Variants in REV3L observed in about 807,000 individuals in gnomAD.
The protein encoded by REV3L is DNA polymerase zeta catalytic subunit.
A neutral mutation model predicts 299.4 loss-of-function variants in REV3L; 69 were observed. The ratio of observed to expected loss-of-function variants is 0.23; its 90% CI spans 0.19 to 0.28. The LOEUF (loss-of-function observed/expected upper bound fraction) is 0.28, where lower values mean the gene tolerates loss of function less well. Among genes scored for constraint, REV3L ranks in the 10% least tolerant of loss-of-function variants. REV3L has a pLI of 1.00. For synonymous variants in REV3L, 1,238 were observed against 1,271.4 expected, an observed-to-expected ratio of 0.97 and a Z score of 0.56; for missense variants, 3,128 against 3,693.8, an observed-to-expected ratio of 0.85 and a Z score of 3.97.
intron 1 of REV3L, among the ~76,000 whole-genome samples, chr6:111,464,993 C>A (rs1344792054): frequency 2.6e-5 from 4 of 151,618 alleles, no homozygotes; most frequent in Non-Finnish European, 5.9e-5. Context: ...CAGAGCAAGA[C>A]TCCATCTCAA....
chr6:111,316,456 G>T (rs1285016455), intron 26 of REV3L, among the ~76,000 whole-genome samples: 3 of 151,812 alleles, frequency 2.0e-5, no homozygotes, highest in Non-Finnish European at 4.4e-5. Context: ...CTGAGGTCAG[G>T]ATTTTGAGAC....
At chr6:111,430,888 T>A (rs1786832143) in intron 1 of REV3L, 2 of 1,604,504 alleles carry the variant, frequency 1.2e-6, no homozygotes, top group African/African-American at 1.3e-5. Flanking sequence ...GACTTCTCCA[T>A]CCTGTGGATC....
intron 9 of REV3L, 120 bp from the exon 10 acceptor site, chr6:111,381,564 T>C (rs1235811322): frequency 2.7e-6 from 2 of 740,680 alleles, no homozygotes; most frequent in Admixed American, 3.0e-5. Context: ...TTCAAAATGT[T>C]AATGATGCAT....
chr6:111,310,796 C>G (rs1365257882), intron 29 of REV3L: 5 of 337,506 alleles, frequency 1.5e-5, no homozygotes, highest in Non-Finnish European at 2.6e-5. Flanking sequence ...ATATTAAGGA[C>G]TACCTAGTGA....
chr6:111,477,084 T>C (rs1433403855), intron 1 of REV3L, among the ~76,000 whole-genome samples: 1 of 152,238 alleles, frequency 6.6e-6, no homozygotes, highest in African/African-American at 2.4e-5. Context: ...TTTCACATAA[T>C]ATGACAGCAC....
chr6:111,412,509 G>A (rs937562514), intron 2 of REV3L, among the ~76,000 whole-genome samples: 6 of 152,058 alleles, frequency 3.9e-5, no homozygotes, highest in African/African-American at 1.4e-4. Context: ...GCTTTGTATT[G>A]GCTGAAAAGT....
At position 111,311,224 on chromosome 6, in the gene REV3L, C is replaced by T. The variant is rs776290825; in HGVS notation, c.8640G>A (p.Thr2880=). 4.4e-5 allele frequency: 71 copies of T among 1,609,592 alleles called. No homozygotes were observed. Among genetic ancestry groups the T allele is most frequent in the Non-Finnish European group, 5.5e-5 (65 of 1,178,086 alleles). ...LERSLKLLFE[T]RDISLIKQYV... is the part of the protein sequence containing the mutation. ...ACTGTTTAATTAGACTTATATCTCT[C>T]GTTTCAAATAGCAGCTTTAGAGAAC... Residue 2880 remains threonine, a synonymous_variant, in exon 29 of 32, where the codon ACG becomes ACA. Coordinates refer to ENST00000368802, the MANE Select transcript of REV3L (RefSeq NM_001372078.1).
chr6:111,418,608 T>C lies in REV3L; in HGVS notation c.140-2136A>G, dbSNP rs538524650. On this transcript the variant is annotated intron_variant, in intron 1 of 31. Coordinates refer to ENST00000368802, the MANE Select transcript of REV3L (RefSeq NM_001372078.1). ...TTGCAGTATTGATGGAGGTTAACGT[T>C]CCCAAAGTCACATAACTATTAAGCA... Among the ~76,000 whole-genome samples the C allele has an allele frequency of 2.6e-5, 4 of 152,314 alleles. No individual in the cohort carries two copies. The East Asian group carries it at 7.7e-4, about 29-fold the overall frequency.
chr6:111,349,922 G>A (rs1777421681), intron 19 of REV3L, among the ~76,000 whole-genome samples: 1 of 152,154 alleles, frequency 6.6e-6, no homozygotes, highest in South Asian at 2.1e-4. Flanking sequence ...GTTCCTCATA[G>A]CAAATAGCGT....
At chr6:111,410,332 G>A (rs1032509491) in intron 3 of REV3L, among the ~76,000 whole-genome samples, 1 of 152,220 alleles carries the variant, frequency 6.6e-6, no homozygotes, top group African/African-American at 2.4e-5. Flanking sequence ...GAACAGTTTA[G>A]TGTTTGCTAT....
At chr6:111,326,231 C>T (rs1390485005) in intron 25 of REV3L, among the ~76,000 whole-genome samples, 1 of 151,936 alleles carries the variant, frequency 6.6e-6, no homozygotes, top group Non-Finnish European at 1.5e-5. Context: ...TGCAAACTAC[C>T]CATCTAACAT....
At chr6:111,454,338 G>A (rs918037540) in intron 1 of REV3L, among the ~76,000 whole-genome samples, 1 of 151,684 alleles carries the variant, frequency 6.6e-6, no homozygotes, top group Non-Finnish European at 1.5e-5. Flanking sequence ...AGAAAACAAA[G>A]CTGAGTAAAC....
At chr6:111,431,279 A>G (rs1786893818) in intron 1 of REV3L, 3 of 1,400,552 alleles carry the variant, frequency 2.1e-6, no homozygotes, top group Non-Finnish European at 3.0e-6. Flanking sequence ...CTGCCTGAAG[A>G]TGGAAGGCCA....
chr6:111,411,474 T>A lies in REV3L; in HGVS notation c.404+6A>T, dbSNP rs1308043118. 6.5e-7 allele frequency: 1 copy of A among 1,543,702 alleles called. No individual in the cohort carries two copies. Among genetic ancestry groups the A allele is most frequent in the Admixed American group, 1.8e-5 (1 of 54,692 alleles). On this transcript the variant is annotated splice_donor_region_variant and intron_variant, in intron 3 of 31. Transcript: ENST00000368802. The stretch of plus-strand genomic sequence containing the variant: ...ATTCATATTTTGGTTTCATTTATCT[T>A]TGTACCTTTTCACCATTGTAGGATT...
intron 1 of REV3L, among the ~76,000 whole-genome samples, chr6:111,433,702 T>C (rs190867806): frequency 2.8e-4 from 42 of 152,302 alleles, no homozygotes; most frequent in Admixed American, 1.6e-3. Flanking sequence ...ACTCATTCTA[T>C]GAGACCAGCA....
chr6:111,307,264 C>A (rs1396615609), intron 31 of REV3L, 97 bp downstream of exon 31: 2 of 1,037,348 alleles, frequency 1.9e-6, no homozygotes, highest in African/African-American at 3.1e-5. Flanking sequence ...TCACTTTTCA[C>A]ACCAGTTTTG....
chr6:111,318,057 T>A (rs1431204701), intron 26 of REV3L, among the ~76,000 whole-genome samples: 4 of 151,964 alleles, frequency 2.6e-5, no homozygotes. Flanking sequence ...CATACACAAG[T>A]TTTTGTGTGG....
At chr6:111,467,827 A>C (rs1015333999) in intron 1 of REV3L, among the ~76,000 whole-genome samples, 27 of 152,300 alleles carry the variant, frequency 1.8e-4, no homozygotes, top group African/African-American at 6.5e-4. Context: ...ACAGATACTA[A>C]GGGATGGATA....
At chr6:111,340,274 G>A (rs1034058743) in intron 21 of REV3L, among the ~76,000 whole-genome samples, 1 of 152,130 alleles carries the variant, frequency 6.6e-6, no homozygotes, top group Non-Finnish European at 1.5e-5. Flanking sequence ...ATCTGGAATA[G>A]TATTTAATAA....
Sources: allele counts gnomAD v4.1 joint callset (sites outside exome capture counted in the v4.1 genomes callset), GRCh38; gene constraint gnomAD v4.1.1; transcripts MANE v1.5; gene names NCBI Gene and HGNC (gene_info 2026-07-23, HGNC 2026-07-21).